SH3PXD2A: variants seen among roughly 807,000 people sequenced by gnomAD.
SH3PXD2A encodes the protein SH3 and PX domain-containing protein 2A.
Under a neutral mutation model 115.2 loss-of-function variants are expected in SH3PXD2A, and 32 were observed. The observed-to-expected ratio is 0.28, with a 90% CI of 0.21 to 0.37. The LOEUF (loss-of-function observed/expected upper bound fraction) is 0.37. Among genes scored for constraint, SH3PXD2A ranks in the 10% least tolerant of loss-of-function variants. The probability of loss-of-function intolerance (pLI) is 1.00; values close to 1 mark genes in which losing one functional copy is unlikely to be tolerated. For missense variants in SH3PXD2A, 1,328 were observed against 1,498.7 expected, an observed-to-expected ratio of 0.89 and a Z score of 1.88; for synonymous variants, 610 against 629.1, an observed-to-expected ratio of 0.97 and a Z score of 0.45.
chr10:103,718,795 A>ACACACG (rs1471488786), intron 5 of SH3PXD2A, among the ~76,000 whole-genome samples: 9 of 150,540 alleles, frequency 6.0e-5, no homozygotes, highest in Admixed American at 6.0e-4. Context: ...ACACACACAC[A>ACACACG]CACGCACATA....
rs192108135 is a variant in SH3PXD2A at position 103,620,275 on chromosome 10, C to T, written c.802+2195G>A. 0.011 allele frequency among the ~76,000 whole-genome samples: 1,729 copies of T among 152,294 alleles called. 46 individuals are homozygous for T. The highest frequency in any genetic ancestry group is 0.06 in the Admixed American group (924 of 15,302). On this transcript the variant is annotated intron_variant, in intron 10 of 14. Transcript: ENST00000369774. This position sits in a 1 kb window ranked among gnomAD's most constrained non-coding sequence, Gnocchi z 5.3. ...GAACACTGACCACGCCACCAGGAGA[C>T]GGTGGCAGCCTGCCCTGGGGAGGGC...
rs2036218300 is a variant in SH3PXD2A, at chr10:103,601,803, C to T, written c.*13G>A. ...GAGAGGCACACTGAGGCTGGAAGAGCCCAGGCCCTCTGCTAGTTCTTTTTC... is the reference window on the plus strand; with the variant it reads ...GAGAGGCACACTGAGGCTGGAAGAGTCCAGGCCCTCTGCTAGTTCTTTTTC... On this transcript the variant is annotated 3_prime_UTR_variant, in exon 15 of 15. Transcript: ENST00000369774. 2 of 1,574,072 alleles carry T rather than the reference C, an allele frequency of 1.3e-6. No homozygotes were observed. Among genetic ancestry groups the T allele is most frequent in the African/African-American group, 1.4e-5 (1 of 73,030 alleles).
At chr10:103,745,421 G>A (rs2038490239) in intron 3 of SH3PXD2A, among the ~76,000 whole-genome samples, 2 of 152,230 alleles carry the variant, frequency 1.3e-5, no homozygotes, top group Admixed American at 1.3e-4. Flanking sequence ...ATGTGACAGG[G>A]GATGAGTCAT....
chr10:103,730,742 T>C (rs933487391), intron 4 of SH3PXD2A, among the ~76,000 whole-genome samples: 2 of 152,038 alleles, frequency 1.3e-5, no homozygotes, highest in African/African-American at 2.4e-5. Flanking sequence ...GCTTCCTGTT[T>C]ATTAGTGAAG....
intron 1 of SH3PXD2A, among the ~76,000 whole-genome samples, chr10:103,814,594 C>T (rs2039304841): frequency 6.6e-6 from 1 of 152,162 alleles, no homozygotes; most frequent in Non-Finnish European, 1.5e-5. Context: ...CGAGTGACCA[C>T]CTGTGACTGT....
Position 103,620,271 on chromosome 10 carries a change from G to C in SH3PXD2A, c.802+2199C>G, listed in dbSNP as rs111764790. On this transcript the variant is annotated intron_variant, in intron 10 of 14. Coordinates refer to ENST00000369774, the MANE Select transcript of SH3PXD2A (RefSeq NM_001394015.1). This position sits in a 1 kb window ranked among gnomAD's most constrained non-coding sequence, Gnocchi z 5.3. ...CCGTGAACACTGACCACGCCACCAG[G>C]AGACGGTGGCAGCCTGCCCTGGGGA... Among the ~76,000 whole-genome samples, 286 of 152,368 alleles carry C rather than the reference G, an allele frequency of 1.9e-3. 3 individuals are homozygous for C. Among genetic ancestry groups the C allele is most frequent in the Middle Eastern group, 6.8e-3 (2 of 294 alleles).
chr10:103,609,254 C>T (rs2036388264), intron 13 of SH3PXD2A: 1 of 152,240 alleles, frequency 6.6e-6, no homozygotes, highest in Non-Finnish European at 1.5e-5. Flanking sequence ...AAGCCACTGT[C>T]CTGGAGTCTA....
intron 1 of SH3PXD2A, among the ~76,000 whole-genome samples, chr10:103,835,671 C>T (rs796718588): frequency 5.3e-5 from 8 of 152,244 alleles, no homozygotes; most frequent in African/African-American, 1.9e-4. Flanking sequence ...TGGCCGCCCC[C>T]CCAACCCCTC....
At chr10:103,686,191 G>C (rs2037675113) in intron 6 of SH3PXD2A, among the ~76,000 whole-genome samples, 13 of 152,204 alleles carry the variant, frequency 8.5e-5, no homozygotes, top group Admixed American at 8.5e-4. Flanking sequence ...ATCAACACTT[G>C]CCTAAGAGAA....
chr10:103,724,588 T>C (rs1205693368), intron 4 of SH3PXD2A, among the ~76,000 whole-genome samples: 15 of 151,774 alleles, frequency 9.9e-5, no homozygotes, highest in Non-Finnish European at 1.5e-5. Flanking sequence ...CCTCTTTCTA[T>C]CCATTTCTCT....
intron 1 of SH3PXD2A, among the ~76,000 whole-genome samples, chr10:103,843,501 T>G (rs1012693137): frequency 2.0e-5 from 3 of 152,186 alleles, no homozygotes; most frequent in African/African-American, 7.2e-5. Flanking sequence ...CCTTCAAAAG[T>G]GGCCCTGGGC....
rs183000361 is a variant in SH3PXD2A, at chr10:103,698,822, T to C, written c.399-5766A>G. Among the ~76,000 whole-genome samples, 739 of 152,060 alleles carry C rather than the reference T, an allele frequency of 4.9e-3. 7 individuals are homozygous for C. Among genetic ancestry groups the C allele is most frequent in the Admixed American group, 0.022 (338 of 15,272 alleles). ...CTCAGTGCAGAGAAAAGAGAGGTCC[T>C]GGGGGCTACAGAACATCCCAGGTAG... On this transcript the variant is annotated intron_variant, in intron 5 of 14. Transcript: ENST00000369774.
Position 103,737,836 on chromosome 10 carries a change from C to A in SH3PXD2A, c.230-2028G>T, listed in dbSNP as rs1388898569. Among the ~76,000 whole-genome samples, 3 of 152,220 alleles carry A rather than the reference C, an allele frequency of 2.0e-5. No homozygotes were observed. The East Asian group carries it at 5.8e-4, about 29-fold the overall frequency. ...GCCATGAAAACCCCAGCTGCAGCCA[C>A]CCCTGACTTCCCTGCCACCACAAGC... is the stretch of plus-strand genomic sequence containing the variant. On this transcript the variant is annotated intron_variant, in intron 3 of 14. Coordinates refer to ENST00000369774, the MANE Select transcript of SH3PXD2A (RefSeq NM_001394015.1).
intron 6 of SH3PXD2A, among the ~76,000 whole-genome samples, chr10:103,685,684 T>C (rs759302980): frequency 2.6e-5 from 4 of 152,126 alleles, no homozygotes; most frequent in Non-Finnish European, 5.9e-5. Flanking sequence ...CACTCAATCC[T>C]CAACCCCATG....
Position 103,603,322 on chromosome 10 carries a change from G to C in SH3PXD2A, c.1896C>G (p.Thr632=), listed in dbSNP as rs2133908867. ...NEGFRPYAED[T]LSARGSSGDS... Reference sequence around the variant, plus strand: ...CCCCGGAGGAGCCTCTGGCTGACAGGGTGTCCTCTGCATATGGCCGGAAGC... The same window carrying C: ...CCCCGGAGGAGCCTCTGGCTGACAGCGTGTCCTCTGCATATGGCCGGAAGC... Residue 632 remains threonine, a synonymous_variant, in exon 15 of 15, where the codon ACC becomes ACG. Coordinates refer to ENST00000369774, the MANE Select transcript of SH3PXD2A (RefSeq NM_001394015.1). The C allele has an allele frequency of 6.2e-7, 1 of 1,614,166 alleles. No homozygotes were observed. The highest frequency in any genetic ancestry group is 2.2e-5 in the East Asian group (1 of 44,878).
rs764977962 is a variant in SH3PXD2A at position 103,617,316 on chromosome 10, T to TG, written c.803-3dup. 4 of 1,607,616 alleles carry TG rather than the reference T, an allele frequency of 2.5e-6. No homozygotes were observed. Among genetic ancestry groups the TG allele is most frequent in the Non-Finnish European group, 1.7e-6 (2 of 1,174,222 alleles). On this transcript the variant is annotated splice_polypyrimidine_tract_variant and splice_region_variant and intron_variant, in intron 10 of 14. Transcript: ENST00000369774. ...GCTGCACGGTGACATACTTCTCCTC[T>TG]GGGGGTGGGAGCAAGCAAGCAAGAT... is the stretch of plus-strand genomic sequence containing the variant.
chr10:103,607,218 C>A (rs2036328337), intron 13 of SH3PXD2A, among the ~76,000 whole-genome samples: 1 of 150,584 alleles, frequency 6.6e-6, no homozygotes. Context: ...GCCTCTCTGC[C>A]CAGCCGCCCC....
rs991289267 is a variant in SH3PXD2A, at chr10:103,693,225, GCGCC to G, written c.399-173_399-170del. On this transcript the variant is annotated intron_variant, in intron 5 of 14. Coordinates refer to ENST00000369774, the MANE Select transcript of SH3PXD2A (RefSeq NM_001394015.1). Reference sequence around the variant, plus strand: ...TCCGCAGCCGCACGCACTGCGCGCCGCGCCCGCCCGCCCGCCCGCCCGCGGGCCC... The same window carrying G: ...TCCGCAGCCGCACGCACTGCGCGCCGCGCCCGCCCGCCCGCCCGCGGGCCC... 2.2e-3 allele frequency: 374 copies of G among 167,598 alleles called. 1 individual carries two copies. The highest frequency in any genetic ancestry group is 3.3e-3 in the Non-Finnish European group (274 of 82,568). 10.4% of individuals were successfully genotyped at this position (167,598 alleles called of 1,614,324 possible).
intron 3 of SH3PXD2A, among the ~76,000 whole-genome samples, chr10:103,738,980 G>C (rs1192314534): frequency 6.6e-6 from 1 of 151,848 alleles, no homozygotes; most frequent in Non-Finnish European, 1.5e-5. Context: ...TTTTAGTAGA[G>C]TGGGGTTTCT....
Sources: allele counts gnomAD v4.1 joint callset (sites outside exome capture counted in the v4.1 genomes callset), GRCh38; gene constraint gnomAD v4.1.1; non-coding constraint Gnocchi (gnomAD v3.1); transcripts MANE v1.5; gene names NCBI Gene and HGNC (gene_info 2026-07-23, HGNC 2026-07-21).